TPM3: variants seen among roughly 807,000 people sequenced by gnomAD.
The protein encoded by TPM3 is tropomyosin 3.
TPM3 carries 16 observed loss-of-function variants against 43.1 expected under a neutral mutation model. The ratio of observed to expected loss-of-function variants is 0.37; its 90% CI spans 0.25 to 0.56. The LOEUF is 0.56. Among genes scored for constraint, TPM3 ranks in the 20% least tolerant of loss-of-function variants. TPM3 has a pLI of 0.77. For synonymous variants in TPM3, 101 were observed against 116.9 expected (o/e 0.86, Z 0.88); for missense variants, 176 against 337.2 (o/e 0.52, Z 3.74).
At position 154,169,301 on chromosome 1, in the gene TPM3, T is replaced by C; in HGVS notation, c.854+4A>G. 2.5e-6 allele frequency: 4 copies of C among 1,614,176 alleles called. No individual in the cohort carries two copies. Among genetic ancestry groups the C allele is most frequent in the Non-Finnish European group, 3.4e-6 (4 of 1,180,016 alleles). ...CCAGCCCCACTCTACTGTCAGATAG[T>C]TACATAGAGGTCATGTCATTGAGGG... On this transcript the variant is annotated splice_donor_region_variant and intron_variant, in intron 9 of 9. Coordinates refer to ENST00000651641, the MANE Select transcript of TPM3 (RefSeq NM_152263.4).
intron 2 of TPM3, among the ~76,000 whole-genome samples, chr1:154,188,179 T>C (rs10908739): frequency 0.64 from 97,144 of 151,216 alleles, 32,763 homozygotes; most frequent in East Asian, 0.88. Context: ...TCTCAGCCTC[T>C]GGAGTACGCG....
chr1:154,181,840 G>A (rs1377509173), intron 2 of TPM3, among the ~76,000 whole-genome samples: 1 of 152,112 alleles, frequency 6.6e-6, no homozygotes, highest in African/African-American at 2.4e-5. Flanking sequence ...AGAATCACTT[G>A]AACCCGGGAG....
Position 154,191,289 on chromosome 1 carries a change from A to T in TPM3, c.140T>A (p.Met47Lys), listed in dbSNP as rs1484146566. 2 of 1,614,100 alleles carry T rather than the reference A, an allele frequency of 1.2e-6. No individual in the cohort carries two copies. Among genetic ancestry groups the T allele is most frequent in the African/African-American group, 1.3e-5 (1 of 75,018 alleles). Reference protein sequence around the residue: ...SKQLEDELAAMQKKLKGTEDE... With the variant: ...SKQLEDELAAKQKKLKGTEDE... Reference sequence around the variant, plus strand: ...CTCTGTCCCTTTCAGCTTCTTCTGCATGGCTGCCAGCTCATCCTCCAGCTA... The same window carrying T: ...CTCTGTCCCTTTCAGCTTCTTCTGCTTGGCTGCCAGCTCATCCTCCAGCTA... Residue 47 changes from methionine to lysine, a missense_variant, in exon 2 of 10, where the codon ATG (methionine) becomes AAG (lysine). Physicochemically the swap from Met to Lys is moderately conservative, Grantham distance 95. Coordinates refer to ENST00000651641, the MANE Select transcript of TPM3 (RefSeq NM_152263.4).
Position 154,164,385 on chromosome 1 carries a change from C to T in TPM3, c.*3552G>A, listed in dbSNP as rs1011890871. 3.9e-5 allele frequency among the ~76,000 whole-genome samples: 6 copies of T among 152,262 alleles called. No homozygotes were observed. Among genetic ancestry groups the T allele is most frequent in the African/African-American group, 1.4e-4 (6 of 41,544 alleles). On this transcript the variant is annotated 3_prime_UTR_variant, in exon 10 of 10. Coordinates refer to ENST00000651641, the MANE Select transcript of TPM3 (RefSeq NM_152263.4). Reference sequence around the variant, plus strand: ...TTTATTGCCAGGCTGGTCTCGAACTCCTGGATTCAAGAAATCCTCTCACCT... The same window carrying T: ...TTTATTGCCAGGCTGGTCTCGAACTTCTGGATTCAAGAAATCCTCTCACCT...
downstream of TPM3, among the ~76,000 whole-genome samples, chr1:154,157,903 T>C (rs895024277): frequency 3.3e-5 from 5 of 152,126 alleles, no homozygotes; most frequent in Admixed American, 1.3e-4. Flanking sequence ...CCTACTGAAG[T>C]TGTAGGTGTT....
At position 154,169,294 on chromosome 1, in the gene TPM3, CAGAT is replaced by C. The variant is rs769953925; in HGVS notation, c.854+7_854+10del. 1 of 1,614,060 alleles carries C rather than the reference CAGAT, an allele frequency of 6.2e-7. No individual in the cohort carries two copies. Among genetic ancestry groups the C allele is most frequent in the Admixed American group, 1.7e-5 (1 of 60,022 alleles). ...CAAGATCCCAGCCCCACTCTACTGT[CAGAT>C]AGTTACATAGAGGTCATGTCATTGA... On this transcript the variant is annotated splice_region_variant and intron_variant, in intron 9 of 9. Coordinates refer to ENST00000651641, the MANE Select transcript of TPM3 (RefSeq NM_152263.4).
At chr1:154,155,330 C>T (rs150915656), downstream of TPM3, 911 of 436,770 alleles carry the variant, frequency 2.1e-3, no homozygotes, top group Non-Finnish European at 3.0e-3. Flanking sequence ...CCTTTAATTT[C>T]TTCCAGTTTT....
intron 2 of TPM3, among the ~76,000 whole-genome samples, chr1:154,176,719 C>G (rs1042103331): frequency 4.0e-5 from 6 of 150,572 alleles, no homozygotes; most frequent in Middle Eastern, 3.6e-3. Context: ...GTGGCTCATG[C>G]CTGTAATCCC....
intron 2 of TPM3, chr1:154,183,299 C>G (rs1488892068): frequency 1.3e-6 from 2 of 1,493,484 alleles, no homozygotes; most frequent in African/African-American, 2.8e-5. Context: ...AGGCAGTCCA[C>G]TGGAGGGAGA....
At position 154,167,679 on chromosome 1, in the gene TPM3, A is replaced by AC; in HGVS notation, c.*257dup. On this transcript the variant is annotated 3_prime_UTR_variant, in exon 10 of 10. Coordinates refer to ENST00000651641, the MANE Select transcript of TPM3 (RefSeq NM_152263.4). Reference sequence around the variant, plus strand: ...CTACAATAGCTCTTCCCCACATCACACCCCCAAGGCTCCTTCTTAGGGACA... The same window carrying AC: ...CTACAATAGCTCTTCCCCACATCACACCCCCCAAGGCTCCTTCTTAGGGACA... The AC allele has an allele frequency of 7.4e-7, 1 of 1,350,252 alleles. No homozygotes were observed. Among genetic ancestry groups the AC allele is most frequent in the Non-Finnish European group, 9.6e-7 (1 of 1,043,494 alleles). 83.6% of individuals were successfully genotyped at this position (1,350,252 alleles called of 1,614,324 possible).
chr1:154,173,485 A>G (rs900104623), intron 3 of TPM3, among the ~76,000 whole-genome samples: 3 of 151,976 alleles, frequency 2.0e-5, no homozygotes, highest in African/African-American at 7.2e-5. Context: ...ACCAACATGG[A>G]GAAACCCCGT....
chr1:154,188,696 C>T (rs1188464541), intron 2 of TPM3, among the ~76,000 whole-genome samples: 4 of 145,354 alleles, frequency 2.8e-5, no homozygotes, highest in Admixed American at 2.7e-4. Flanking sequence ...AAAAAAAAAG[C>T]CTGTGCTGGC....
At chr1:154,169,812 C>A in intron 8 of TPM3, 1 of 270,470 alleles carries the variant, frequency 3.7e-6, no homozygotes, top group Non-Finnish European at 7.2e-6. Flanking sequence ...GCTCCACAGG[C>A]TGCCCCTGCA....
chr1:154,160,543 T>C (rs1660243387), downstream of TPM3, among the ~76,000 whole-genome samples: 1 of 152,166 alleles, frequency 6.6e-6, no homozygotes, highest in Admixed American at 6.5e-5. Flanking sequence ...TAACTTGCAC[T>C]CCCCATTAAA....
rs998953081 is a variant in TPM3 at position 154,163,642 on chromosome 1, AT to A, written c.*4294del. ...TACATAACGTTTTCCTCATTGTTTA[AT>A]TTTTTTTTGAGACAGAGTCTTGCTC... On this transcript the variant is annotated 3_prime_UTR_variant, in exon 10 of 10. Coordinates refer to ENST00000651641, the MANE Select transcript of TPM3 (RefSeq NM_152263.4). Among the ~76,000 whole-genome samples the A allele has an allele frequency of 1.2e-4, 18 of 150,724 alleles. No homozygotes were observed. The highest frequency in any genetic ancestry group is 4.1e-4 in the African/African-American group (17 of 41,044).
chr1:154,182,832 A>G (rs1663115081), intron 2 of TPM3, among the ~76,000 whole-genome samples: 1 of 151,716 alleles, frequency 6.6e-6, no homozygotes, highest in Non-Finnish European at 1.5e-5. Context: ...TTGGTGTCCT[A>G]CTGGTGCTGA....
chr1:154,171,617 T>A (rs1347377744), intron 5 of TPM3, 129 bp from the exon 6 acceptor site: 1 of 997,664 alleles, frequency 1.0e-6, no homozygotes, highest in Non-Finnish European at 1.5e-6. Flanking sequence ...GGGGAAGAGA[T>A]GTTCCCAAGT....
downstream of TPM3, chr1:154,158,926 G>T: frequency 2.6e-6 from 2 of 778,338 alleles, no homozygotes; most frequent in South Asian, 2.7e-5. Flanking sequence ...TCAGTGGTGT[G>T]AGCAGTAAGC....
At chr1:154,169,556 TCTC>T (rs769387650) in intron 8 of TPM3, 173 bp from the exon 9 acceptor site, 4 of 671,374 alleles carry the variant, frequency 6.0e-6, no homozygotes, top group Non-Finnish European at 1.0e-5. Flanking sequence ...AGATCTACTC[TCTC>T]CTATGACCAA....
Sources: gnomAD v4.1 joint callset for allele counts (sites outside exome capture counted in the v4.1 genomes callset) on GRCh38, gnomAD v4.1.1 for gene constraint, MANE v1.5 for transcripts, NCBI Gene and HGNC (gene_info 2026-07-23, HGNC 2026-07-21) for gene names.